DAZAP1: variants seen among roughly 807,000 people sequenced by gnomAD.
DAZAP1 encodes DAZ-associated protein 1.
Under a neutral mutation model 60.1 loss-of-function variants are expected in DAZAP1, and 6 were observed. The ratio of observed to expected loss-of-function variants is 0.10; its 90% confidence interval spans 0.05 to 0.20. The LOEUF is 0.20. Ranked by LOEUF, DAZAP1 falls within the 10% of genes least tolerant of loss-of-function variation. The pLI is 1.00. For synonymous variants in DAZAP1, 235 were observed against 215.9 expected (o/e 1.09, Z -0.78); for missense variants, 366 against 560.4 (o/e 0.65, Z 3.50).
Position 1,428,938 on chromosome 19 carries a change from G to T in DAZAP1, c.643G>T (p.Ala215Ser), listed in dbSNP as rs754279474. The change falls in exon 8 of 12, where the codon GCC becomes TCC. Residue 215 changes from alanine to serine, a missense_variant. By Grantham distance (99) the Ala-to-Ser change is moderately conservative (BLOSUM62 1). Around this residue, in one of 3 missense-constraint regions of DAZAP1, gnomAD observed 240 missense variants for 308.8 expected, o/e 0.78. Coordinates refer to ENST00000233078, the MANE Select transcript of DAZAP1 (RefSeq NM_018959.4). This position sits in a 1 kb window ranked among gnomAD's most constrained non-coding sequence, Gnocchi z 4.0. ...GGGGAGCCGGGTTGTGCCCAACGCT[G>T]CCAATGGCTGGGCAGGCCAGCCCCC... Reference protein sequence around the residue: ...QWGSRVVPNAANGWAGQPPPT... With the variant: ...QWGSRVVPNASNGWAGQPPPT... 7.4e-6 allele frequency: 12 copies of T among 1,612,142 alleles called. No homozygotes were observed. The highest frequency in any genetic ancestry group is 8.5e-6 in the Non-Finnish European group (10 of 1,179,480).
chr19:1,420,498 A>G (rs960358340), intron 4 of DAZAP1, among the ~76,000 whole-genome samples: 1 of 150,286 alleles, frequency 6.7e-6, no homozygotes, highest in Non-Finnish European at 1.5e-5. Context: ...AAAAAAAAAA[A>G]GGATGGTTGG....
At chr19:1,421,345 C>A in intron 5 of DAZAP1, 87 bp downstream of exon 5, 1 of 1,186,434 alleles carries the variant, frequency 8.4e-7, no homozygotes, top group South Asian at 1.3e-5. Context: ...AGTGGCCGAG[C>A]CACAGGTGCA....
At chr19:1,417,315 T>C in intron 1 of DAZAP1, 185 bp from the exon 2 acceptor site, 1 of 678,954 alleles carries the variant, frequency 1.5e-6, no homozygotes, top group Non-Finnish European at 2.6e-6. Context: ...TCATCTTTCA[T>C]GTCTGCAGAC....
At position 1,425,310 on chromosome 19, in the gene DAZAP1, C is replaced by T. The variant is rs1432379966; in HGVS notation, c.464-568C>T. Among the ~76,000 whole-genome samples the T allele has an allele frequency of 6.6e-6, 1 of 152,226 alleles. No homozygotes were observed. The highest frequency in any genetic ancestry group is 2.4e-5 in the African/African-American group (1 of 41,452). On this transcript the variant is annotated intron_variant, in intron 6 of 11. Coordinates refer to ENST00000233078, the MANE Select transcript of DAZAP1 (RefSeq NM_018959.4). The surrounding 1 kb of genome is among the most constrained non-coding windows in gnomAD (Gnocchi z 5.4). Reference sequence around the variant, plus strand: ...GAACGATATATGGCTGCTGTCAGCACTAGCTGCAAAGCAAATTGCAAGCCA... The same window carrying T: ...GAACGATATATGGCTGCTGTCAGCATTAGCTGCAAAGCAAATTGCAAGCCA...
rs1180846237 is a variant in DAZAP1, at chr19:1,425,278, C to T, written c.464-600C>T. 6.6e-5 allele frequency among the ~76,000 whole-genome samples: 10 copies of T among 152,178 alleles called. No homozygotes were observed. Among genetic ancestry groups the T allele is most frequent in the East Asian group, 1.9e-4 (1 of 5,190 alleles). On this transcript the variant is annotated intron_variant, in intron 6 of 11. Coordinates refer to ENST00000233078, the MANE Select transcript of DAZAP1 (RefSeq NM_018959.4). The surrounding 1 kb of genome is among the most constrained non-coding windows in gnomAD (Gnocchi z 5.4). ...CTATGATAGATACTGTATCTGTTAA[C>T]GCTTTAGAACGATATATGGCTGCTG... is the stretch of plus-strand genomic sequence containing the variant.
In DAZAP1 at chr19:1,410,892, GGA is replaced by G. The variant is rs549107039; in HGVS notation, c.29+3096_29+3097del. Among the ~76,000 whole-genome samples, 73 of 152,350 alleles carry G rather than the reference GGA, an allele frequency of 4.8e-4. No homozygotes were observed. The South Asian group carries it at 0.014, about 29-fold the overall frequency. ...GTCACAGAGGGAGGAAGGACTCAGC[GGA>G]GAGAGGAGAAAGCCGCCTCTGGGCA... is the stretch of plus-strand genomic sequence containing the variant. On this transcript the variant is annotated intron_variant, in intron 1 of 11. Transcript: ENST00000233078.
rs1479965298 is a variant in DAZAP1, at chr19:1,418,403, T to A, written c.237+33T>A. On this transcript the variant is annotated intron_variant, in intron 3 of 11. Transcript: ENST00000233078. The surrounding 1 kb of genome is among the most constrained non-coding windows in gnomAD (Gnocchi z 5.7). ...CCCTTCCGGGAGCTCACACCCGCTC[T>A]CTGTCTCCCCTGTCCTTCCTCTGCT... 1 of 1,605,442 alleles carries A rather than the reference T, an allele frequency of 6.2e-7. No homozygotes were observed. Among genetic ancestry groups the A allele is most frequent in the Admixed American group, 1.7e-5 (1 of 59,866 alleles).
intron 10 of DAZAP1, 143 bp downstream of exon 10, chr19:1,430,505 CAG>C: frequency 1.4e-6 from 1 of 722,160 alleles, no homozygotes; most frequent in East Asian, 3.3e-5. Flanking sequence ...CACCTGCCAC[CAG>C]GCCCTTCACC....
In DAZAP1 at chr19:1,434,653, C is replaced by A; in HGVS notation, c.1049-84C>A. 1 of 1,470,174 alleles carries A rather than the reference C, an allele frequency of 6.8e-7. No homozygotes were observed. Among genetic ancestry groups the A allele is most frequent in the Non-Finnish European group, 9.4e-7 (1 of 1,068,388 alleles). The allele number at this position is 1,470,174 out of a possible 1,614,324, so 91.1% of individuals were successfully genotyped here. A position where few individuals can be genotyped will look rare whatever the true frequency, so the allele number is the denominator to read the frequency against. ...ACCCGTGGACTCAAGGCAGGCTCGG[C>A]GGAGCTGTGTCCAGGTGGCCTCGCT... On this transcript the variant is annotated intron_variant, in intron 11 of 11. Coordinates refer to ENST00000233078, the MANE Select transcript of DAZAP1 (RefSeq NM_018959.4). The surrounding 1 kb of genome is among the most constrained non-coding windows in gnomAD (Gnocchi z 8.0).
intron 1 of DAZAP1, among the ~76,000 whole-genome samples, chr19:1,413,612 G>A (rs139021749): frequency 0.012 from 1,826 of 152,344 alleles, 26 homozygotes; most frequent in Middle Eastern, 0.034. Flanking sequence ...AAGCTTTAGC[G>A]TTAGAAGCTG....
chr19:1,435,179 C>A lies in DAZAP1; in HGVS notation c.*267C>A. On this transcript the variant is annotated 3_prime_UTR_variant, in exon 12 of 12. Transcript: ENST00000233078. ...TGTCTTCAGCTTTAATTCAAAACTT[C>A]AGGTTTCTTTTTCTTCCTTTTTTTT... The A allele has an allele frequency of 4.1e-6, 1 of 244,594 alleles. No homozygotes were observed. Among genetic ancestry groups the A allele is most frequent in the Non-Finnish European group, 7.8e-6 (1 of 128,384 alleles). 15.2% of individuals were successfully genotyped at this position (244,594 alleles called of 1,614,324 possible). A position where few individuals can be genotyped will look rare whatever the true frequency, so the allele number is the denominator to read the frequency against.
intron 1 of DAZAP1, among the ~76,000 whole-genome samples, chr19:1,414,473 G>T (rs768289690): frequency 6.6e-6 from 1 of 152,110 alleles, no homozygotes; most frequent in African/African-American, 2.4e-5. Context: ...GTGGCCGGGC[G>T]CAGCTACTCA....
Position 1,428,883 on chromosome 19 carries a change from A to G in DAZAP1, c.588A>G (p.Gln196=), listed in dbSNP as rs761657858. 12 of 1,612,912 alleles carry G rather than the reference A, an allele frequency of 7.4e-6. No individual in the cohort carries two copies. The East Asian group carries it at 1.1e-4, about 15-fold the overall frequency. The part of the protein sequence containing the change: ...KRAEPRDSKS[Q]APGQPGASQW... ...CTGAGCCTCGGGACAGCAAGAGCCAAGCGCCGGGACAGCCAGGTGCCAGCC... is the reference window on the plus strand; with the variant it reads ...CTGAGCCTCGGGACAGCAAGAGCCAGGCGCCGGGACAGCCAGGTGCCAGCC... The change falls in exon 8 of 12, where the codon CAA becomes CAG. Residue 196 remains glutamine, a synonymous_variant. Transcript: ENST00000233078. The surrounding 1 kb of genome is among the most constrained non-coding windows in gnomAD (Gnocchi z 4.0).
At chr19:1,430,418 G>A in intron 10 of DAZAP1, 56 bp downstream of exon 10, 1 of 1,432,148 alleles carries the variant, frequency 7.0e-7, no homozygotes, top group Non-Finnish European at 9.2e-7. Flanking sequence ...GATGCCAGGT[G>A]GTGGGCGGGG....
At chr19:1,417,734 G>A (rs1467386119) in intron 2 of DAZAP1, among the ~76,000 whole-genome samples, 194 bp downstream of exon 2, 1 of 152,196 alleles carries the variant, frequency 6.6e-6, no homozygotes, top group Admixed American at 6.5e-5. Flanking sequence ...TCCATCCCAA[G>A]TTACAGGGAA....
chr19:1,417,601 A>G lies in DAZAP1; in HGVS notation c.70+61A>G, dbSNP rs949652824. On this transcript the variant is annotated intron_variant, in intron 2 of 11. Coordinates refer to ENST00000233078, the MANE Select transcript of DAZAP1 (RefSeq NM_018959.4). ...ATGGGCTCTAGGACCTCGGCCTTCA[A>G]GTTGTGTCTGCCCGCCTCTTGCTAC... The G allele has an allele frequency of 4.1e-6, 6 of 1,468,990 alleles. No individual in the cohort carries two copies. In the African/African-American group the frequency reaches 8.4e-5, roughly 21 times the overall value. The allele number at this position is 1,468,990 out of a possible 1,614,324, so 91.0% of individuals were successfully genotyped here. A position where few individuals can be genotyped will look rare whatever the true frequency, so the allele number is the denominator to read the frequency against.
rs1009532829 is a variant in DAZAP1 at position 1,422,798 on chromosome 19, C to T, written c.463+402C>T. On this transcript the variant is annotated intron_variant, in intron 6 of 11. Transcript: ENST00000233078. This position sits in a 1 kb window ranked among gnomAD's most constrained non-coding sequence, Gnocchi z 4.5. Reference sequence around the variant, plus strand: ...GGCTCGGTGTGGAGTTTGGATTTTCCGTGATCCATCCCATGCTTTTTTTTT... The same window carrying T: ...GGCTCGGTGTGGAGTTTGGATTTTCTGTGATCCATCCCATGCTTTTTTTTT... Among the ~76,000 whole-genome samples the T allele has an allele frequency of 3.9e-5, 6 of 152,070 alleles. No individual in the cohort carries two copies. Among genetic ancestry groups the T allele is most frequent in the African/African-American group, 9.7e-5 (4 of 41,404 alleles).
chr19:1,417,778 A>T (rs1184086610), intron 2 of DAZAP1, among the ~76,000 whole-genome samples: 6 of 152,172 alleles, frequency 3.9e-5, no homozygotes, highest in Admixed American at 3.9e-4. Flanking sequence ...CTCCGGGCTG[A>T]GGTGGCTTGT....
In DAZAP1 at chr19:1,425,897, C is replaced by G. The variant is rs1184516612; in HGVS notation, c.483C>G (p.Phe161Leu). The change falls in exon 7 of 12, where the codon TTC becomes TTG. Residue 161 changes from phenylalanine (F) to leucine (L), a missense_variant. Phe to Leu is a conservative substitution (Grantham distance 22). Transcript: ENST00000233078. This position sits in a 1 kb window ranked among gnomAD's most constrained non-coding sequence, Gnocchi z 5.4. ...QRPRGFGFITFEDEQSVDQAV... is the reference protein window; with the variant it reads ...QRPRGFGFITLEDEQSVDQAV... ...GGCTAGGTTTTGGATTTATTACTTT[C>G]GAGGACGAACAATCAGTGGACCAGG... is the stretch of plus-strand genomic sequence containing the variant. The G allele has an allele frequency of 1.9e-6, 3 of 1,613,298 alleles. No homozygotes were observed. In the African/African-American group the frequency reaches 4.0e-5, roughly 22 times the overall value.
Sources: gnomAD v4.1 joint callset for allele counts (sites outside exome capture counted in the v4.1 genomes callset) on GRCh38, gnomAD v4.1.1 for gene constraint, gnomAD v4.1.1 regional missense constraint, Gnocchi (gnomAD v3.1) non-coding constraint, MANE v1.5 for transcripts, NCBI Gene and HGNC (gene_info 2026-07-23, HGNC 2026-07-21) for gene names.